RPS6KC1: variants seen among roughly 807,000 people sequenced by gnomAD.
RPS6KC1 encodes ribosomal protein S6 kinase C1.
A neutral mutation model predicts 103.8 loss-of-function variants in RPS6KC1; 54 were observed. That is an observed-to-expected ratio of 0.52 (90% CI 0.42 to 0.65). The LOEUF is 0.65. RPS6KC1 is among the 30% of genes least tolerant of loss of function. The probability of loss-of-function intolerance (pLI) is 0.00; values close to 1 mark genes in which losing one functional copy is unlikely to be tolerated. For synonymous variants in RPS6KC1, 439 were observed against 438.7 expected, an observed-to-expected ratio of 1.00 and a Z score of -0.01; for missense variants, 1,151 against 1,253.8, an observed-to-expected ratio of 0.92 and a Z score of 1.24.
chr1:213,450,302 AT>A, the RPS6KC1 span, among the ~76,000 whole-genome samples: 1 of 151,170 alleles, frequency 6.6e-6, no homozygotes, highest in Non-Finnish European at 1.5e-5. Flanking sequence ...AGCAGGTTTC[AT>A]CAAAGACTAG....
chr1:213,120,465 T>C (rs769203405), intron 5 of RPS6KC1, among the ~76,000 whole-genome samples: 4 of 152,266 alleles, frequency 2.6e-5, no homozygotes, highest in Non-Finnish European at 5.9e-5. Context: ...GAAGATTTAC[T>C]TCATACCAAA....
At chr1:213,850,839 C>G in the RPS6KC1 span, among the ~76,000 whole-genome samples, 5 of 150,660 alleles carry the variant, frequency 3.3e-5, no homozygotes, top group African/African-American at 1.2e-4. Context: ...TGTGGATTCT[C>G]ATACTTCCTT....
the RPS6KC1 span, among the ~76,000 whole-genome samples, chr1:213,549,579 TTTC>T: frequency 2.3e-4 from 35 of 150,388 alleles, no homozygotes; most frequent in East Asian, 1.2e-3. Context: ...TTTCTTTTCT[TTTC>T]TTCTTCTTCT....
chr1:213,775,659 T>C, the RPS6KC1 span, among the ~76,000 whole-genome samples: 1 of 152,350 alleles, frequency 6.6e-6, no homozygotes, highest in Admixed American at 6.5e-5. Context: ...GGCTGCTGAC[T>C]GATCAAGGTG....
the RPS6KC1 span, among the ~76,000 whole-genome samples, chr1:213,434,339 G>C: frequency 6.6e-6 from 1 of 151,552 alleles, no homozygotes; most frequent in South Asian, 2.1e-4. Flanking sequence ...TAGAATTCTA[G>C]ATTACACCTT....
At chr1:213,849,731 A>G in the RPS6KC1 span, among the ~76,000 whole-genome samples, 3 of 152,184 alleles carry the variant, frequency 2.0e-5, no homozygotes, top group African/African-American at 7.2e-5. Flanking sequence ...ACTATGTTTT[A>G]CTTTTCATGA....
the RPS6KC1 span, among the ~76,000 whole-genome samples, chr1:213,467,865 T>G: frequency 6.6e-6 from 1 of 152,228 alleles, no homozygotes; most frequent in Admixed American, 6.5e-5. Context: ...CCCCACAGAT[T>G]TGCATTTCAT....
At chr1:213,266,511 A>C (rs1342789827) in intron 14 of RPS6KC1, among the ~76,000 whole-genome samples, 1 of 152,132 alleles carries the variant, frequency 6.6e-6, no homozygotes, top group African/African-American at 2.4e-5. Flanking sequence ...TCTTTCCCCC[A>C]AAAAGTATGA....
At chr1:213,578,080 G>A in the RPS6KC1 span, among the ~76,000 whole-genome samples, 1 of 152,238 alleles carries the variant, frequency 6.6e-6, no homozygotes, top group South Asian at 2.1e-4. Context: ...TGCAGTCTAA[G>A]GACATGGTGC....
At chr1:213,142,882 A>G (rs2087244544) in intron 6 of RPS6KC1, among the ~76,000 whole-genome samples, 1 of 152,096 alleles carries the variant, frequency 6.6e-6, no homozygotes, top group African/African-American at 2.4e-5. Flanking sequence ...TATTATATGC[A>G]CCGGGAAACA....
At chr1:213,537,014 A>T in the RPS6KC1 span, among the ~76,000 whole-genome samples, 1 of 152,170 alleles carries the variant, frequency 6.6e-6, no homozygotes, top group African/African-American at 2.4e-5. Context: ...TATCCACCTT[A>T]CATATGGTGC....
chr1:213,221,096 C>T lies in RPS6KC1; in HGVS notation c.1045-9401C>T, dbSNP rs1194691358. Among the ~76,000 whole-genome samples, 7 of 151,974 alleles carry T rather than the reference C, an allele frequency of 4.6e-5. No individual in the cohort carries two copies. In the East Asian group the frequency reaches 9.6e-4, roughly 21 times the overall value. ...AAAAAATACAATCTTTATTATTATC[C>T]ATAGACTGAATAAAACATCTTACAT... On this transcript the variant is annotated intron_variant, in intron 8 of 14. Transcript: ENST00000366960.
the RPS6KC1 span, among the ~76,000 whole-genome samples, chr1:213,602,620 A>G: frequency 1.3e-5 from 2 of 152,132 alleles, no homozygotes; most frequent in African/African-American, 4.8e-5. Context: ...CCCCAAGAGA[A>G]GAGGTTTTCT....
At chr1:213,635,272 C>T in the RPS6KC1 span, among the ~76,000 whole-genome samples, 11 of 152,176 alleles carry the variant, frequency 7.2e-5, no homozygotes, top group Non-Finnish European at 1.2e-4. Flanking sequence ...ACTCATTTTA[C>T]GACGCCAGCA....
chr1:213,694,435 C>A, the RPS6KC1 span, among the ~76,000 whole-genome samples: 1 of 152,164 alleles, frequency 6.6e-6, no homozygotes, highest in Non-Finnish European at 1.5e-5. Context: ...CTGAATTTCC[C>A]CCAGCCTTTT....
At chr1:213,805,759 C>T in the RPS6KC1 span, among the ~76,000 whole-genome samples, 1 of 152,164 alleles carries the variant, frequency 6.6e-6, no homozygotes, top group Non-Finnish European at 1.5e-5. Context: ...ATGGTTATTT[C>T]CAGAAGGATT....
chr1:213,566,084 G>T, the RPS6KC1 span, among the ~76,000 whole-genome samples: 1 of 152,274 alleles, frequency 6.6e-6, no homozygotes, highest in African/African-American at 2.4e-5. Context: ...TTGGATGAAT[G>T]CAGAGATGGA....
intron 12 of RPS6KC1, among the ~76,000 whole-genome samples, chr1:213,249,804 TTTATC>T (rs1353737993): frequency 6.6e-6 from 1 of 152,206 alleles, no homozygotes; most frequent in African/African-American, 2.4e-5. Context: ...CGTTTCTTAT[TTTATC>T]TCACAAGAAA....
chr1:213,217,559 G>T (rs924400568), intron 8 of RPS6KC1, among the ~76,000 whole-genome samples: 1 of 152,136 alleles, frequency 6.6e-6, no homozygotes, highest in African/African-American at 2.4e-5. Flanking sequence ...GCCTGACAGA[G>T]ACACAACAAC....
Sources: gnomAD v4.1 joint callset for allele counts (sites outside exome capture counted in the v4.1 genomes callset) on GRCh38, gnomAD v4.1.1 for gene constraint, MANE v1.5 for transcripts, NCBI Gene and HGNC (gene_info 2026-07-23, HGNC 2026-07-21) for gene names.